Variants in TFEB observed in about 807,000 individuals in gnomAD.
TFEB encodes the protein T-cell transcription factor EB.
In TFEB, 12 loss-of-function variants were observed where a neutral mutation model predicts 48.0. That is an observed-to-expected ratio of 0.25 (90% confidence interval 0.16 to 0.40). The LOEUF (loss-of-function observed/expected upper bound fraction) is 0.40. Among genes scored for constraint, TFEB ranks in the 10% least tolerant of loss-of-function variants. The probability of loss-of-function intolerance (pLI) is 1.00; values close to 1 mark genes in which losing one functional copy is unlikely to be tolerated. For missense variants in TFEB, 509 were observed against 640.3 expected (o/e 0.79, Z 2.21); for synonymous variants, 244 against 261.4 (o/e 0.93, Z 0.64).
At chr6:41,717,199 G>A (rs540534276) in intron 1 of TFEB, among the ~76,000 whole-genome samples, 2 of 152,238 alleles carry the variant, frequency 1.3e-5, no homozygotes, top group East Asian at 3.9e-4. Context: ...CAGCTAGACC[G>A]GCCCACTTCA....
rs751412099 is a variant in TFEB, at chr6:41,685,006, C to A, written c.1024G>T (p.Ala342Ser). 2.6e-6 allele frequency: 4 copies of A among 1,538,454 alleles called. No individual in the cohort carries two copies. In the Admixed American group the frequency reaches 6.2e-5, roughly 24 times the overall value. ...AGCTCCTGCTTCACCACCTGCTGGG[C>A]CAGCTCAGCCATGTTCATGCCGGAC... ...SPSGMNMAEL[A>S]QQVVKQELPS... Residue 342 changes from alanine (A) to serine (S), a missense_variant, in exon 9 of 9, where the codon GCC (alanine) becomes TCC (serine). Around this residue, in one of 4 missense-constraint regions of TFEB, gnomAD observed 62 missense variants for 90.2 expected, o/e 0.69. Transcript: ENST00000373033.
chr6:41,722,227 A>C (rs1051817720), intron 1 of TFEB, among the ~76,000 whole-genome samples: 2 of 152,112 alleles, frequency 1.3e-5, no homozygotes, highest in African/African-American at 4.8e-5. Flanking sequence ...GGACCCGCCC[A>C]CCTCGGCCTC....
In TFEB at chr6:41,686,022, T is replaced by C. The variant is rs1768978864; in HGVS notation, c.951+68A>G. ...TCTCCAACTTCAGAAGTACAAGTAC[T>C]GCCCCTTAGGGCCAGGAGCCAGGTT... On this transcript the variant is annotated intron_variant, in intron 8 of 8. Coordinates refer to ENST00000373033, the MANE Select transcript of TFEB (RefSeq NM_001271944.2). 21 of 1,599,342 alleles carry C rather than the reference T, an allele frequency of 1.3e-5. No homozygotes were observed. The South Asian group carries it at 2.1e-4, about 16-fold the overall frequency.
At chr6:41,695,119 A>C (rs1470293546) in intron 1 of TFEB, among the ~76,000 whole-genome samples, 1 of 152,318 alleles carries the variant, frequency 6.6e-6, no homozygotes, top group East Asian at 1.9e-4. Flanking sequence ...TCAGAAAGCT[A>C]CTTCACCTCT....
chr6:41,733,734 G>C (rs1483713220), intron 1 of TFEB: 3 of 985,194 alleles, frequency 3.0e-6, no homozygotes, highest in Non-Finnish European at 3.6e-6. Flanking sequence ...TCTCCTGGCC[G>C]GCCAGGAACT....
rs1281647905 is a variant in TFEB at position 41,686,236 on chromosome 6, C to G, written c.805G>C (p.Asp269His). 2 of 1,613,902 alleles carry G rather than the reference C, an allele frequency of 1.2e-6. No individual in the cohort carries two copies. The part of the protein sequence containing the change: ...GMLIPKANDL[D>H]VRWNKGTILK... Reference sequence around the variant, plus strand: ...ATGGTGCCCTTGTTCCAGCGCACGTCCCTGCAGCAGCAGGCCAGGCAAATT... The same window carrying G: ...ATGGTGCCCTTGTTCCAGCGCACGTGCCTGCAGCAGCAGGCCAGGCAAATT... Residue 269 changes from aspartate (D) to histidine (H), a missense_variant and splice_region_variant, in exon 8 of 9, where the codon GAC becomes CAC. Asp to His is a moderately conservative substitution (Grantham distance 81). This residue lies in a region of TFEB where 28 missense variants were observed against 71.9 expected (regional missense o/e 0.39). Coordinates refer to ENST00000373033, the MANE Select transcript of TFEB (RefSeq NM_001271944.2).
chr6:41,685,293 C>T (rs1193835474), intron 8 of TFEB, among the ~76,000 whole-genome samples: 5 of 152,168 alleles, frequency 3.3e-5, no homozygotes, highest in African/African-American at 7.2e-5. Context: ...GTGAAGCCAC[C>T]GTAGTGAGTC....
In TFEB at chr6:41,685,052, G is replaced by A. The variant is rs527636760; in HGVS notation, c.978C>T (p.His326=). The A allele has an allele frequency of 1.6e-5, 23 of 1,463,826 alleles. No homozygotes were observed. The highest frequency in any genetic ancestry group is 4.3e-5 in the African/African-American group (3 of 70,172). 90.7% of individuals were successfully genotyped at this position (1,463,826 alleles called of 1,614,324 possible). ...CGGACGGGGAGGTGGTAGGGAGGCC[G>A]TGCACTCGAGCCTGCATCTCCAGCT... ...IQELEMQARV[H]GLPTTSPSGM... The change falls in exon 9 of 9, where the codon CAC becomes CAT. Residue 326 remains histidine (H), a synonymous_variant. Coordinates refer to ENST00000373033, the MANE Select transcript of TFEB (RefSeq NM_001271944.2).
In TFEB at chr6:41,734,319, C is replaced by G; in HGVS notation, c.-23+1031G>C. ...GGCTCCCTCCCTTCCTCACCCGGGG[C>G]GCGGGGCTGGGGCGCGCCAGGCGGC... On this transcript the variant is annotated intron_variant, in intron 1 of 8. Transcript: ENST00000373033. This position sits in a 1 kb window ranked among gnomAD's most constrained non-coding sequence, Gnocchi z 4.0. 1 of 983,902 alleles carries G rather than the reference C, an allele frequency of 1.0e-6. No homozygotes were observed. The highest frequency in any genetic ancestry group is 5.2e-4 in the Middle Eastern group (1 of 1,912). The allele number at this position is 983,902 out of a possible 1,614,324, so 60.9% of individuals were successfully genotyped here. A position where few individuals can be genotyped will look rare whatever the true frequency, so the allele number is the denominator to read the frequency against.
intron 6 of TFEB, 54 bp from the exon 7 acceptor site, chr6:41,687,223 C>A (rs1769057470): frequency 6.3e-7 from 1 of 1,575,374 alleles, no homozygotes; most frequent in Non-Finnish European, 8.7e-7. Context: ...ACCCCCCACC[C>A]CATGGGGAGA....
At chr6:41,699,818 A>G (rs773941654) in intron 1 of TFEB, among the ~76,000 whole-genome samples, 7 of 152,166 alleles carry the variant, frequency 4.6e-5, no homozygotes, top group Non-Finnish European at 8.8e-5. Context: ...TGGGACACGC[A>G]CATGCTTTTA....
Position 41,684,924 on chromosome 6 carries a change from G to T in TFEB, c.1106C>A (p.Pro369His). 6.3e-7 allele frequency: 1 copy of T among 1,584,572 alleles called. No homozygotes were observed. Among genetic ancestry groups the T allele is most frequent in the East Asian group, 2.3e-5 (1 of 43,864 alleles). The change falls in exon 9 of 9, where the codon CCT becomes CAT. Residue 369 changes from proline (P) to histidine (H), a missense_variant. By Grantham distance (77) the Pro-to-His change is moderately conservative. Transcript: ENST00000373033. ...ALMLGAEVPDPEPLPALPPQA... is the reference protein window; with the variant it reads ...ALMLGAEVPDHEPLPALPPQA... Reference sequence around the variant, plus strand: ...CGGGGGCAGAGCTGGCAGTGGCTCAGGGTCAGGGACCTCAGCCCCCAGCAT... The same window carrying T: ...CGGGGGCAGAGCTGGCAGTGGCTCATGGTCAGGGACCTCAGCCCCCAGCAT...
chr6:41,715,395 C>G (rs1029254667), intron 1 of TFEB, among the ~76,000 whole-genome samples: 1 of 152,150 alleles, frequency 6.6e-6, no homozygotes, highest in Non-Finnish European at 1.5e-5. Flanking sequence ...ATGAGCCGGG[C>G]GCAGTGGCTG....
chr6:41,692,016 C>T (rs74857400), intron 1 of TFEB, among the ~76,000 whole-genome samples: 9,982 of 152,194 alleles, frequency 0.066, 447 homozygotes, highest in Non-Finnish European at 0.092. Flanking sequence ...TGGCTCACTC[C>T]TTCACCTCCT....
Position 41,734,686 on chromosome 6 carries a change from C to A in TFEB, c.-23+664G>T, listed in dbSNP as rs987312698. ...TGTTCCCCAGGGTCATAGAATAACC[C>A]ACGGGGAGAAAGAGACTGCCCAGGG... On this transcript the variant is annotated intron_variant, in intron 1 of 8. Coordinates refer to ENST00000373033, the MANE Select transcript of TFEB (RefSeq NM_001271944.2). This position sits in a 1 kb window ranked among gnomAD's most constrained non-coding sequence, Gnocchi z 4.0. Among the ~76,000 whole-genome samples, 6 of 151,792 alleles carry A rather than the reference C, an allele frequency of 4.0e-5. No individual in the cohort carries two copies. Among genetic ancestry groups the A allele is most frequent in the Non-Finnish European group, 8.8e-5 (6 of 67,910 alleles).
At chr6:41,695,882 A>T (rs1031767177) in intron 1 of TFEB, among the ~76,000 whole-genome samples, 3 of 152,228 alleles carry the variant, frequency 2.0e-5, no homozygotes, top group African/African-American at 4.8e-5. Context: ...GCTTCCAGTC[A>T]TGTCCAAAGG....
At position 41,702,418 on chromosome 6, in the gene TFEB, G is replaced by C. The variant is rs754810697; in HGVS notation, c.-22-11183C>G. Among the ~76,000 whole-genome samples the C allele has an allele frequency of 2.4e-3, 364 of 152,334 alleles. 2 individuals carry two copies. The highest frequency in any genetic ancestry group is 3.9e-3 in the Non-Finnish European group (265 of 68,026). Reference sequence around the variant, plus strand: ...CAGAGATCTGGCACCAGACCATAGTGAGGTGAGGGTGGTAAGGGTTGGGGG... The same window carrying C: ...CAGAGATCTGGCACCAGACCATAGTCAGGTGAGGGTGGTAAGGGTTGGGGG... On this transcript the variant is annotated intron_variant, in intron 1 of 8. Coordinates refer to ENST00000373033, the MANE Select transcript of TFEB (RefSeq NM_001271944.2).
In TFEB at chr6:41,730,895, C is replaced by A. The variant is rs368607668; in HGVS notation, c.-23+4455G>T. On this transcript the variant is annotated intron_variant, in intron 1 of 8. Transcript: ENST00000373033. This position sits in a 1 kb window ranked among gnomAD's most constrained non-coding sequence, Gnocchi z 4.1. ...AGATGCCTCAGGCATTGCCAAGCCC[C>A]CTGCACCGTCTTATTCAACAAGGAG... 7.9e-4 allele frequency among the ~76,000 whole-genome samples: 121 copies of A among 152,270 alleles called. 1 individual carries two copies. The South Asian group carries it at 0.022, about 28-fold the overall frequency.
Position 41,691,209 on chromosome 6 carries a change from G to T in TFEB, c.5C>A (p.Ala2Glu). The change falls in exon 2 of 9, where the codon GCG (alanine) becomes GAG (glutamate). Residue 2 changes from alanine to glutamate, a missense_variant. Around this residue, in one of 4 missense-constraint regions of TFEB, gnomAD observed 251 missense variants for 317.2 expected, o/e 0.79. Coordinates refer to ENST00000373033, the MANE Select transcript of TFEB (RefSeq NM_001271944.2). This position sits in a 1 kb window ranked among gnomAD's most constrained non-coding sequence, Gnocchi z 5.2. ...CTGCATGCGCAACCCTATGCGTGACGCCATGGTGGCTGCCGGCGCTGGCTC... is the reference window on the plus strand; with the variant it reads ...CTGCATGCGCAACCCTATGCGTGACTCCATGGTGGCTGCCGGCGCTGGCTC... M[A>E]SRIGLRMQLM... 6.3e-7 allele frequency: 1 copy of T among 1,581,340 alleles called. No homozygotes were observed. The highest frequency in any genetic ancestry group is 1.1e-5 in the South Asian group (1 of 87,624).
Sources: allele counts gnomAD v4.1 joint callset (sites outside exome capture counted in the v4.1 genomes callset), GRCh38; gene constraint gnomAD v4.1.1; regional missense constraint gnomAD v4.1.1; non-coding constraint Gnocchi (gnomAD v3.1); transcripts MANE v1.5; gene names NCBI Gene and HGNC (gene_info 2026-07-23, HGNC 2026-07-21).